The following LUZP2 variants were observed in gnomAD, a reference collection of about 807,000 sequenced individuals.
LUZP2 encodes leucine zipper protein 2.
In LUZP2, 52 loss-of-function variants were observed where a neutral mutation model predicts 51.6. The observed-to-expected ratio is 1.01, with a 90% CI of 0.81 to 1.27. LUZP2 has a LOEUF of 1.27. Among genes scored for constraint, LUZP2 ranks in the 50% most tolerant of loss-of-function variants. The pLI is 0.00. For synonymous variants in LUZP2, 154 were observed against 137.3 expected (o/e 1.12, Z -0.85); for missense variants, 436 against 395.4 (o/e 1.10, Z -0.87).
chr11:24,558,997 A>C (rs567928590), intron 1 of LUZP2, among the ~76,000 whole-genome samples: 1 of 152,152 alleles, frequency 6.6e-6, no homozygotes, highest in African/African-American at 2.4e-5. Context: ...ATCTGGAATA[A>C]ATTTTGGAAG....
intron 9 of LUZP2, among the ~76,000 whole-genome samples, chr11:25,012,201 G>A (rs78374191): frequency 0.084 from 12,781 of 152,064 alleles, 1,749 homozygotes; most frequent in African/African-American, 0.28. Context: ...TCTCACTTAC[G>A]CAAAATATAA....
rs58870609 is a variant in LUZP2, at chr11:24,611,055, G to GT, written c.62+113759dup. Among the ~76,000 whole-genome samples, 41,961 of 150,984 alleles carry GT rather than the reference G, an allele frequency of 0.28. 5,949 individuals carry two copies. The highest frequency in any genetic ancestry group is 0.34 in the Admixed American group (5,096 of 15,164). ...AATGTACCTTACATGACATAGCTTT[G>GT]TTTTTTTTTATTTTTATTTTTTGTT... On this transcript the variant is annotated intron_variant, in intron 1 of 11. Coordinates refer to ENST00000336930, the MANE Select transcript of LUZP2 (RefSeq NM_001009909.4). The surrounding 1 kb of genome is among the most constrained non-coding windows in gnomAD (Gnocchi z 4.6).
At chr11:25,044,257 G>GTATA (rs1235208041) in intron 9 of LUZP2, among the ~76,000 whole-genome samples, 14 of 60,784 alleles carry the variant, frequency 2.3e-4, no homozygotes, top group Admixed American at 9.8e-4. Context: ...GTGTGTGTGT[G>GTATA]TATATATATA....
intron 1 of LUZP2, among the ~76,000 whole-genome samples, chr11:24,658,267 G>A (rs1205982391): frequency 3.9e-5 from 6 of 152,116 alleles, no homozygotes; most frequent in East Asian, 1.9e-4. Context: ...CAGAAATAAT[G>A]CCGCCTATCT....
intron 5 of LUZP2, chr11:24,891,498 A>C (rs1013272627): frequency 2.1e-6 from 2 of 952,808 alleles, no homozygotes; most frequent in African/African-American, 3.5e-5. Context: ...ATATTATTAT[A>C]CTTTATGCGA....
intron 1 of LUZP2, among the ~76,000 whole-genome samples, chr11:24,610,245 G>T (rs371068803): frequency 1.3e-5 from 2 of 152,314 alleles, no homozygotes; most frequent in East Asian, 3.9e-4. Context: ...CAGTTCTGGA[G>T]GTTGTGGGGG....
chr11:24,725,797 C>A (rs1008112257), intron 1 of LUZP2, among the ~76,000 whole-genome samples: 3 of 152,078 alleles, frequency 2.0e-5, no homozygotes, highest in African/African-American at 7.2e-5. Flanking sequence ...ATAGTTTTTG[C>A]AGAGGTAATA....
chr11:24,736,261 T>C (rs1240008698), intron 3 of LUZP2, among the ~76,000 whole-genome samples: 2 of 152,020 alleles, frequency 1.3e-5, no homozygotes, highest in African/African-American at 2.4e-5. Flanking sequence ...ATACTCATTG[T>C]CATTTTAATA....
intron 1 of LUZP2, among the ~76,000 whole-genome samples, chr11:24,726,200 A>G (rs1858468944): frequency 6.6e-6 from 1 of 152,208 alleles, no homozygotes; most frequent in Non-Finnish European, 1.5e-5. Flanking sequence ...TCTTATGAAA[A>G]TATAATCAAT....
At chr11:24,503,060 C>G (rs537475970) in intron 1 of LUZP2, among the ~76,000 whole-genome samples, 1 of 152,122 alleles carries the variant, frequency 6.6e-6, no homozygotes, top group South Asian at 2.1e-4. Context: ...AATTAAGAAT[C>G]ACTGATATAG....
chr11:24,826,193 ATAT>A lies in LUZP2; in HGVS notation c.396+62886_396+62888del, dbSNP rs1222183815. On this transcript the variant is annotated intron_variant, in intron 5 of 11. Coordinates refer to ENST00000336930, the MANE Select transcript of LUZP2 (RefSeq NM_001009909.4). ...TCCATCTCAAAAAAAAAAAAAAAATATATATATATATATATAGTAAAAGTTAAT... is the reference window on the plus strand; with the variant it reads ...TCCATCTCAAAAAAAAAAAAAAAATAATATATATATATAGTAAAAGTTAAT... Among the ~76,000 whole-genome samples the A allele has an allele frequency of 1.2e-3, 160 of 130,488 alleles. 4 individuals carry two copies. The highest frequency in any genetic ancestry group is 4.3e-3 in the African/African-American group (154 of 35,420). The allele number at this position is 130,488 out of a possible 152,430, so 85.6% of individuals were successfully genotyped here. A position where few individuals can be genotyped will look rare whatever the true frequency, so the allele number is the denominator to read the frequency against.
intron 5 of LUZP2, among the ~76,000 whole-genome samples, chr11:24,859,845 G>A (rs1327312128): frequency 5.3e-5 from 8 of 152,180 alleles, no homozygotes; most frequent in African/African-American, 7.2e-5. Context: ...CCCATGGATC[G>A]GAAGATCCCA....
intron 9 of LUZP2, among the ~76,000 whole-genome samples, chr11:25,012,740 A>G (rs547232587): frequency 1.1e-4 from 17 of 152,346 alleles, no homozygotes; most frequent in Admixed American, 2.6e-4. Context: ...GCTGGTGAGG[A>G]TGCAGAGAAA....
rs1565124723 is a variant in LUZP2 at position 24,764,489 on chromosome 11, C to CAAAAAAAAAAAAAAAAAA, written c.396+1181_396+1182insAAAAAAAAAAAAAAAAAA. ...TGGACAACATGGTAAAATCTCATCT[C>CAAAAAAAAAAAAAAAAAA]TAAAAAAAAAAAAAAAAAAAAAAAA... On this transcript the variant is annotated intron_variant, in intron 5 of 11. Coordinates refer to ENST00000336930, the MANE Select transcript of LUZP2 (RefSeq NM_001009909.4). 7.4e-4 allele frequency among the ~76,000 whole-genome samples: 42 copies of CAAAAAAAAAAAAAAAAAA among 56,406 alleles called. 3 individuals carry two copies. The highest frequency in any genetic ancestry group is 2.7e-3 in the East Asian group (6 of 2,198). The allele number at this position is 56,406 out of a possible 152,430, so 37.0% of individuals were successfully genotyped here. A position where few individuals can be genotyped will look rare whatever the true frequency, so the allele number is the denominator to read the frequency against.
At chr11:25,024,711 C>A (rs749989468) in intron 9 of LUZP2, among the ~76,000 whole-genome samples, 3 of 151,728 alleles carry the variant, frequency 2.0e-5, no homozygotes, top group Non-Finnish European at 2.9e-5. Flanking sequence ...GCGAAAATGG[C>A]CAAACTGCCC....
At chr11:25,011,372 CAAG>C (rs1032961994) in intron 9 of LUZP2, among the ~76,000 whole-genome samples, 13 of 152,110 alleles carry the variant, frequency 8.5e-5, no homozygotes, top group Non-Finnish European at 1.6e-4. Flanking sequence ...GCATTAGACA[CAAG>C]AACATTTTTA....
chr11:24,587,825 G>A (rs2133835491), intron 1 of LUZP2, among the ~76,000 whole-genome samples: 1 of 152,086 alleles, frequency 6.6e-6, no homozygotes, highest in South Asian at 2.1e-4. Context: ...AAGGCAAACA[G>A]CTGTGGTGAG....
chr11:24,723,684 C>A (rs1858364116), intron 1 of LUZP2, among the ~76,000 whole-genome samples: 2 of 151,884 alleles, frequency 1.3e-5, no homozygotes, highest in South Asian at 4.2e-4. Context: ...AAAAGCTTAG[C>A]CCTGAGTATG....
intron 5 of LUZP2, among the ~76,000 whole-genome samples, chr11:24,875,834 T>A (rs1362902891): frequency 2.0e-5 from 3 of 152,202 alleles, no homozygotes; most frequent in African/African-American, 7.2e-5. Context: ...GGTTTTGATT[T>A]GCATTTCTCT....
Sources: gnomAD v4.1 joint callset for allele counts (sites outside exome capture counted in the v4.1 genomes callset) on GRCh38, gnomAD v4.1.1 for gene constraint, Gnocchi (gnomAD v3.1) non-coding constraint, MANE v1.5 for transcripts, NCBI Gene and HGNC (gene_info 2026-07-23, HGNC 2026-07-21) for gene names.